Variants in CCDC88A observed in about 807,000 individuals in gnomAD.
The protein encoded by CCDC88A is girdin.
A neutral mutation model predicts 234.3 loss-of-function variants in CCDC88A; 54 were observed. The ratio of observed to expected loss-of-function variants is 0.23; its 90% CI spans 0.19 to 0.29. The LOEUF is 0.29. Ranked by LOEUF, CCDC88A falls within the 10% of genes least tolerant of loss-of-function variation. The pLI, the probability that CCDC88A is intolerant of heterozygous loss-of-function variation, is 1.00. For missense variants in CCDC88A, 1,832 were observed against 2,123.4 expected (o/e 0.86, Z 2.70); for synonymous variants, 753 against 737.8 (o/e 1.02, Z -0.33).
chr2:55,375,384 T>C (rs2104832090), intron 3 of CCDC88A, among the ~76,000 whole-genome samples: 1 of 151,026 alleles, frequency 6.6e-6, no homozygotes, highest in Admixed American at 6.6e-5. Flanking sequence ...TCAATAAAAG[T>C]TCGAGCATGT....
chr2:55,335,210 T>C lies in CCDC88A; in HGVS notation c.1657-46A>G. Reference sequence around the variant, plus strand: ...TTAAAAGCTGTAATTGAGGAAAAACTAACTATGGTTTATCTCTTCCAAAAA... The same window carrying C: ...TTAAAAGCTGTAATTGAGGAAAAACCAACTATGGTTTATCTCTTCCAAAAA... On this transcript the variant is annotated intron_variant, in intron 14 of 32. Coordinates refer to ENST00000436346, the MANE Select transcript of CCDC88A (RefSeq NM_001365480.1). The surrounding 1 kb of genome is among the most constrained non-coding windows in gnomAD (Gnocchi z 4.5). The C allele has an allele frequency of 8.2e-7, 1 of 1,222,064 alleles. No individual in the cohort carries two copies. Among genetic ancestry groups the C allele is most frequent in the South Asian group, 2.0e-5 (1 of 49,982 alleles). The allele number at this position is 1,222,064 out of a possible 1,614,324, so 75.7% of individuals were successfully genotyped here. A position where few individuals can be genotyped will look rare whatever the true frequency, so the allele number is the denominator to read the frequency against.
intron 23 of CCDC88A, among the ~76,000 whole-genome samples, chr2:55,310,514 G>A (rs554037388): frequency 2.0e-5 from 3 of 152,214 alleles, no homozygotes; most frequent in Non-Finnish European, 4.4e-5. Flanking sequence ...CTCAGGAGTG[G>A]AGTTTGCAGT....
At chr2:55,349,127 A>G (rs1669549082) in intron 9 of CCDC88A, 1 of 158,952 alleles carries the variant, frequency 6.3e-6, no homozygotes, top group Non-Finnish European at 1.4e-5. Context: ...AAAAAAATCA[A>G]AAAACATTCT....
intron 9 of CCDC88A, among the ~76,000 whole-genome samples, chr2:55,347,824 C>T (rs558659320): frequency 6.6e-6 from 1 of 152,080 alleles, no homozygotes; most frequent in South Asian, 2.1e-4. Context: ...GTTGCCCAGG[C>T]TGGTCTTCAA....
At chr2:55,363,152 A>G (rs1038478276) in intron 6 of CCDC88A, among the ~76,000 whole-genome samples, 2 of 151,974 alleles carry the variant, frequency 1.3e-5, no homozygotes, top group African/African-American at 4.8e-5. Context: ...CTACCTATAA[A>G]ACTACATCTT....
chr2:55,373,630 G>A (rs1342299613), intron 4 of CCDC88A, among the ~76,000 whole-genome samples: 1 of 152,012 alleles, frequency 6.6e-6, no homozygotes, highest in African/African-American at 2.4e-5. Context: ...TTCCACTCCT[G>A]GTCCCAGTAA....
chr2:55,359,650 GAT>G (rs1671033212), intron 7 of CCDC88A, among the ~76,000 whole-genome samples: 2 of 150,392 alleles, frequency 1.3e-5, no homozygotes, highest in South Asian at 4.2e-4. Context: ...TATAAAAAAT[GAT>G]ATATATCATT....
intron 2 of CCDC88A, among the ~76,000 whole-genome samples, chr2:55,392,920 T>C (rs12713294): frequency 0.3 from 46,247 of 152,048 alleles, 7,449 homozygotes; most frequent in East Asian, 0.54. Flanking sequence ...CTTATTACTA[T>C]AGCTTTATTA....
rs199665425 is a variant in CCDC88A, at chr2:55,336,671, A to C, written c.1656+10T>G. ...AAATACATTGTTTACTTAGTAAAAA[A>C]TGTATGAACCTGTCTCTCTGAATTT... On this transcript the variant is annotated intron_variant, in intron 14 of 32. Transcript: ENST00000436346. 2 of 1,520,716 alleles carry C rather than the reference A, an allele frequency of 1.3e-6. No homozygotes were observed. Among genetic ancestry groups the C allele is most frequent in the East Asian group, 4.8e-5 (2 of 41,490 alleles). 94.2% of individuals were successfully genotyped at this position (1,520,716 alleles called of 1,614,324 possible).
intron 25 of CCDC88A, among the ~76,000 whole-genome samples, chr2:55,305,141 G>A (rs1386058935): frequency 3.3e-5 from 5 of 152,206 alleles, no homozygotes; most frequent in African/African-American, 1.2e-4. Context: ...AAGCTGAGTG[G>A]TTGCAGCATG....
chr2:55,405,213 T>G (rs1461629076), intron 2 of CCDC88A: 1 of 152,180 alleles, frequency 6.6e-6, no homozygotes, highest in Non-Finnish European at 1.5e-5. Flanking sequence ...TCCTCACGGA[T>G]AGCTATCCAA....
At chr2:55,358,871 T>C (rs1399631879) in intron 7 of CCDC88A, among the ~76,000 whole-genome samples, 1 of 152,148 alleles carries the variant, frequency 6.6e-6, no homozygotes, top group African/African-American at 2.4e-5. Context: ...ATCAGCATGC[T>C]CATCCCAACT....
rs1444548744 is a variant in CCDC88A at position 55,296,021 on chromosome 2, T to C, written c.5127A>G (p.Glu1709=). 3 of 1,606,506 alleles carry C rather than the reference T, an allele frequency of 1.9e-6. No homozygotes were observed. The South Asian group carries it at 3.4e-5, about 18-fold the overall frequency. The part of the protein sequence containing the change: ...KSSSQENLLD[E]VMKSLSVSSD... ...AAGAGACAGACAAACTTTTCATTAC[T>C]TCATCTAAAAGATTCTCTTGACTTG... Residue 1709 remains glutamate (E), a synonymous_variant, in exon 31 of 33, where the codon GAA becomes GAG. Coordinates refer to ENST00000436346, the MANE Select transcript of CCDC88A (RefSeq NM_001365480.1).
At chr2:55,416,425 CAAATAAATAAAT>C (rs58743440) in intron 2 of CCDC88A, among the ~76,000 whole-genome samples, 1 of 44,674 alleles carries the variant, frequency 2.2e-5, no homozygotes, top group African/African-American at 6.7e-5. Flanking sequence ...GTGAAGAGGT[CAAATAAATAAAT>C]AAATAAATAT....
chr2:55,337,560 A>G (rs1667954092), intron 13 of CCDC88A: 2 of 152,226 alleles, frequency 1.3e-5, no homozygotes, highest in South Asian at 4.1e-4. Flanking sequence ...ACTCTAAAGC[A>G]ATTTTAATTT....
chr2:55,396,138 C>T (rs955616589), intron 2 of CCDC88A, among the ~76,000 whole-genome samples: 6 of 152,004 alleles, frequency 3.9e-5, no homozygotes, highest in African/African-American at 1.4e-4. Context: ...TGAGTACCTA[C>T]TGTACTGGCC....
At chr2:55,293,194 T>C (rs976416754) in intron 31 of CCDC88A, among the ~76,000 whole-genome samples, 2 of 152,182 alleles carry the variant, frequency 1.3e-5, no homozygotes, top group East Asian at 1.9e-4. Flanking sequence ...AATTATGATA[T>C]CTAAAAAGTT....
At chr2:55,311,731 G>C (rs1338783736) in intron 23 of CCDC88A, among the ~76,000 whole-genome samples, 1 of 152,202 alleles carries the variant, frequency 6.6e-6, no homozygotes, top group East Asian at 1.9e-4. Context: ...GTAATACCAA[G>C]ACTACCCACT....
At chr2:55,297,704 C>T (rs1680366744) in intron 29 of CCDC88A, among the ~76,000 whole-genome samples, 1 of 151,684 alleles carries the variant, frequency 6.6e-6, no homozygotes, top group Non-Finnish European at 1.5e-5. Context: ...AGCCACCGCA[C>T]CTGGCTCATT....
Sources: allele counts gnomAD v4.1 joint callset (sites outside exome capture counted in the v4.1 genomes callset), GRCh38; gene constraint gnomAD v4.1.1; non-coding constraint Gnocchi (gnomAD v3.1); transcripts MANE v1.5; gene names NCBI Gene and HGNC (gene_info 2026-07-23, HGNC 2026-07-21).